Variants in RAB3C observed in about 807,000 individuals in gnomAD.
RAB3C encodes the protein RAB3C, member RAS oncogene family.
Under a neutral mutation model 26.4 loss-of-function variants are expected in RAB3C, and 17 were observed. That is an observed-to-expected ratio of 0.64 (90% CI 0.44 to 0.97). The LOEUF is 0.97. Among genes scored for constraint, RAB3C ranks in the 50% least tolerant of loss-of-function variants. The pLI, the probability that RAB3C is intolerant of heterozygous loss-of-function variation, is 0.00. For missense variants in RAB3C, 242 were observed against 281.9 expected, an observed-to-expected ratio of 0.86 and a Z score of 1.01; for synonymous variants, 91 against 95.9, an observed-to-expected ratio of 0.95 and a Z score of 0.30.
intron 1 of RAB3C, among the ~76,000 whole-genome samples, chr5:58,605,293 C>T (rs1283419016): frequency 6.6e-6 from 1 of 152,084 alleles, no homozygotes; most frequent in Non-Finnish European, 1.5e-5. Context: ...ATACACTGCT[C>T]TGTACAGGTG....
intron 2 of RAB3C, among the ~76,000 whole-genome samples, chr5:58,709,370 C>T (rs1749012151): frequency 6.6e-6 from 1 of 152,164 alleles, no homozygotes; most frequent in East Asian, 1.9e-4. Flanking sequence ...CTTCTACCTT[C>T]CAGAGGGGTA....
rs1746535945 is a variant in RAB3C, at chr5:58,605,292, T to C, written c.25-12351T>C. 2.0e-5 allele frequency among the ~76,000 whole-genome samples: 3 copies of C among 152,102 alleles called. No homozygotes were observed. In the South Asian group the frequency reaches 6.2e-4, roughly 32 times the overall value. ...CACAGTGCAAGCCTCCATACACTGC[T>C]CTGTACAGGTGCAATCTAGTCCTGC... On this transcript the variant is annotated intron_variant, in intron 1 of 4. Coordinates refer to ENST00000282878, the MANE Select transcript of RAB3C (RefSeq NM_138453.4).
At chr5:58,693,454 G>A (rs1467117306) in intron 2 of RAB3C, among the ~76,000 whole-genome samples, 1 of 150,358 alleles carries the variant, frequency 6.7e-6, no homozygotes, top group Non-Finnish European at 1.5e-5. Context: ...AACTATGAGA[G>A]GTAGGTCATA....
At chr5:58,782,549 A>G (rs1232218683) in intron 3 of RAB3C, among the ~76,000 whole-genome samples, 1 of 152,204 alleles carries the variant, frequency 6.6e-6, no homozygotes, top group Admixed American at 6.5e-5. Flanking sequence ...ATACTTAAAC[A>G]TAATGCACAG....
chr5:58,606,099 A>C (rs1429248661), intron 1 of RAB3C, among the ~76,000 whole-genome samples: 1 of 152,114 alleles, frequency 6.6e-6, no homozygotes, highest in African/African-American at 2.4e-5. Flanking sequence ...GTGGGGCATC[A>C]CCTCAGCTGG....
intron 3 of RAB3C, among the ~76,000 whole-genome samples, chr5:58,777,069 G>A (rs1001716218): frequency 6.6e-6 from 1 of 152,128 alleles, no homozygotes; most frequent in Admixed American, 6.5e-5. Context: ...ATAGAAACCT[G>A]AGGATAACCT....
chr5:58,709,559 T>C (rs1749015905), intron 2 of RAB3C, among the ~76,000 whole-genome samples: 1 of 152,244 alleles, frequency 6.6e-6, no homozygotes, highest in African/African-American at 2.4e-5. Flanking sequence ...CCATGCTGTA[T>C]GCTCTATCAG....
intron 3 of RAB3C, among the ~76,000 whole-genome samples, chr5:58,824,761 GAGGAAAGGA>G (rs1743435502): frequency 6.6e-6 from 1 of 152,156 alleles, no homozygotes; most frequent in Non-Finnish European, 1.5e-5. Flanking sequence ...TGGGGTAAAA[GAGGAAAGGA>G]AGAATCAGTA....
intron 3 of RAB3C, among the ~76,000 whole-genome samples, chr5:58,754,019 C>T (rs1043795161): frequency 4.0e-5 from 6 of 151,876 alleles, no homozygotes; most frequent in Admixed American, 6.6e-5. Flanking sequence ...AGCTTGGGGT[C>T]GGGGGGTTGG....
chr5:58,827,800 C>T (rs1187195430), intron 4 of RAB3C, among the ~76,000 whole-genome samples: 1 of 152,184 alleles, frequency 6.6e-6, no homozygotes, highest in African/African-American at 2.4e-5. Context: ...CATGCTTCTA[C>T]AAATGATCCT....
At chr5:58,824,758 A>T (rs1561143105) in intron 3 of RAB3C, among the ~76,000 whole-genome samples, 1 of 152,146 alleles carries the variant, frequency 6.6e-6, no homozygotes, top group Admixed American at 6.5e-5. Flanking sequence ...AGGTGGGGTA[A>T]AAGAGGAAAG....
At chr5:58,638,005 T>C (rs1425855967) in intron 2 of RAB3C, among the ~76,000 whole-genome samples, 2 of 152,124 alleles carry the variant, frequency 1.3e-5, no homozygotes, top group African/African-American at 4.8e-5. Flanking sequence ...TTTTCTTTTT[T>C]CCTGATTATT....
chr5:58,750,132 TATA>T (rs1490886183), intron 3 of RAB3C, among the ~76,000 whole-genome samples: 2 of 152,224 alleles, frequency 1.3e-5, no homozygotes, highest in Non-Finnish European at 2.9e-5. Context: ...ACTAGTGTTT[TATA>T]ATATATTTTG....
chr5:58,778,451 G>T (rs1216277610), intron 3 of RAB3C, among the ~76,000 whole-genome samples: 2 of 152,094 alleles, frequency 1.3e-5, no homozygotes, highest in Non-Finnish European at 2.9e-5. Context: ...GTAGAGTCAT[G>T]CCCATGCCCA....
In RAB3C at chr5:58,660,754, G is replaced by A. The variant is rs1053762902; in HGVS notation, c.252+42884G>A. On this transcript the variant is annotated intron_variant, in intron 2 of 4. Coordinates refer to ENST00000282878, the MANE Select transcript of RAB3C (RefSeq NM_138453.4). ...TTTTCCTTGAAGCTCAAGGCTGCAG[G>A]CTACTTCCATCTTTCAAGTCTGCCA... Among the ~76,000 whole-genome samples the A allele has an allele frequency of 4.3e-4, 65 of 150,290 alleles. 7 individuals carry two copies. The highest frequency in any genetic ancestry group is 1.6e-3 in the African/African-American group (64 of 39,668).
At chr5:58,725,880 G>A (rs1740879178) in intron 2 of RAB3C, 122 bp from the exon 3 acceptor site, 8 of 523,796 alleles carry the variant, frequency 1.5e-5, no homozygotes, top group Middle Eastern at 7.5e-4. Context: ...AAAAAAGATA[G>A]ACAGCTATAC....
At chr5:58,616,549 A>C (rs1442534489) in intron 1 of RAB3C, among the ~76,000 whole-genome samples, 3 of 152,338 alleles carry the variant, frequency 2.0e-5, no homozygotes, top group African/African-American at 7.2e-5. Context: ...AAAAAGATGA[A>C]TAAAAGCCAA....
At chr5:58,668,833 T>A (rs1366721371) in intron 2 of RAB3C, among the ~76,000 whole-genome samples, 1 of 152,142 alleles carries the variant, frequency 6.6e-6, no homozygotes, top group Non-Finnish European at 1.5e-5. Flanking sequence ...ATAATCAGTT[T>A]GGCTGCTACA....
chr5:58,647,406 C>G (rs537264219), intron 2 of RAB3C, among the ~76,000 whole-genome samples: 1 of 152,142 alleles, frequency 6.6e-6, no homozygotes, highest in African/African-American at 2.4e-5. Context: ...CTTATAAAAC[C>G]ATCAGATCTC....
Sources: allele counts gnomAD v4.1 joint callset (sites outside exome capture counted in the v4.1 genomes callset), GRCh38; gene constraint gnomAD v4.1.1; transcripts MANE v1.5; gene names NCBI Gene and HGNC (gene_info 2026-07-23, HGNC 2026-07-21).